The following ESRRG variants were observed in gnomAD, a reference collection of about 807,000 sequenced individuals.
ESRRG encodes estrogen related receptor gamma.
A neutral mutation model predicts 44.0 loss-of-function variants in ESRRG; 13 were observed. That is an observed-to-expected ratio of 0.30 (90% CI 0.19 to 0.47). ESRRG has a LOEUF of 0.47. ESRRG is among the 20% of genes least tolerant of loss of function. The probability of loss-of-function intolerance (pLI) is 1.00; values close to 1 mark genes in which losing one functional copy is unlikely to be tolerated. For missense variants in ESRRG, 395 were observed against 580.6 expected (o/e 0.68, Z 3.29); for synonymous variants, 215 against 214.6 (o/e 1.00, Z -0.02).
At chr1:216,819,393 C>CT (rs910067428) in intron 2 of ESRRG, among the ~76,000 whole-genome samples, 4 of 152,028 alleles carry the variant, frequency 2.6e-5, no homozygotes, top group Admixed American at 1.3e-4. Flanking sequence ...TATCTTCTTC[C>CT]TTTTTTAAGC....
upstream of ESRRG, among the ~76,000 whole-genome samples, chr1:216,723,700 C>G (rs1213040997): frequency 6.6e-6 from 1 of 151,780 alleles, no homozygotes; most frequent in African/African-American, 2.4e-5. Flanking sequence ...TACACACTCT[C>G]GGGTTTGATT....
intron 6 of ESRRG, among the ~76,000 whole-genome samples, chr1:216,510,003 GTTTCTT>G (rs1038696520): frequency 9.9e-5 from 15 of 152,126 alleles, no homozygotes; most frequent in Non-Finnish European, 1.5e-4. Context: ...GTTCATGCTG[GTTTCTT>G]TTTAACTATG....
chr1:216,770,230 T>A (rs2093324467), intron 2 of ESRRG, among the ~76,000 whole-genome samples: 1 of 151,988 alleles, frequency 6.6e-6, no homozygotes, highest in African/African-American at 2.4e-5. Context: ...AATCTGGTGG[T>A]CTATAGAGGG....
chr1:217,069,884 C>T (rs1402568418), intron 1 of ESRRG, among the ~76,000 whole-genome samples: 1 of 152,206 alleles, frequency 6.6e-6, no homozygotes, highest in African/African-American at 2.4e-5. Context: ...TAAATCACAA[C>T]CCTCACATCA....
At chr1:216,779,013 C>A (rs1230115818) in intron 2 of ESRRG, among the ~76,000 whole-genome samples, 1 of 148,020 alleles carries the variant, frequency 6.8e-6, no homozygotes, top group South Asian at 2.1e-4. Context: ...TGAAACAATG[C>A]CAGAATACAG....
chr1:216,626,163 C>T (rs571245461), intron 3 of ESRRG, among the ~76,000 whole-genome samples: 1 of 152,318 alleles, frequency 6.6e-6, no homozygotes, highest in East Asian at 1.9e-4. Flanking sequence ...TCCTTATTGA[C>T]AATTCTGCAG....
chr1:216,520,828 C>G (rs2045869486), intron 5 of ESRRG, among the ~76,000 whole-genome samples: 1 of 152,198 alleles, frequency 6.6e-6, no homozygotes, highest in Non-Finnish European at 1.5e-5. Flanking sequence ...TAAGTAGCCA[C>G]TGATGCCCAA....
At chr1:217,051,395 C>T (rs1007465002) in intron 1 of ESRRG, among the ~76,000 whole-genome samples, 10 of 152,156 alleles carry the variant, frequency 6.6e-5, no homozygotes, top group African/African-American at 1.4e-4. Context: ...CAGGTTCACA[C>T]GCACCTTCTA....
At chr1:216,859,729 C>T (rs2096016017) in intron 2 of ESRRG, among the ~76,000 whole-genome samples, 1 of 152,040 alleles carries the variant, frequency 6.6e-6, no homozygotes, top group South Asian at 2.1e-4. Flanking sequence ...GTCTACCTAA[C>T]AAATATTAAA....
chr1:216,531,395 G>T (rs1370154891), intron 5 of ESRRG, among the ~76,000 whole-genome samples: 1 of 151,982 alleles, frequency 6.6e-6, no homozygotes. Context: ...CAAGTTCACG[G>T]CTCGTGTTTG....
intron 2 of ESRRG, among the ~76,000 whole-genome samples, chr1:216,804,736 A>G (rs1456030768): frequency 6.6e-6 from 1 of 152,134 alleles, no homozygotes; most frequent in Non-Finnish European, 1.5e-5. Context: ...AGTGATAAAA[A>G]GAATTGAAAT....
chr1:216,590,260 A>G (rs1449587604), intron 3 of ESRRG, among the ~76,000 whole-genome samples: 1 of 152,132 alleles, frequency 6.6e-6, no homozygotes, highest in Admixed American at 6.5e-5. Context: ...TCTTCTAGAA[A>G]AACCACAAAG....
At chr1:217,119,052 G>GAT (rs1558282099) in intron 1 of ESRRG, among the ~76,000 whole-genome samples, 1 of 138,276 alleles carries the variant, frequency 7.2e-6, no homozygotes, top group Admixed American at 6.9e-5. Flanking sequence ...GATAGATAGA[G>GAT]ACACAGATAC....
At chr1:216,653,949 A>G in intron 2 of ESRRG, among the ~76,000 whole-genome samples, 1 of 128,106 alleles carries the variant, frequency 7.8e-6, no homozygotes, top group African/African-American at 2.7e-5. Flanking sequence ...CCCCATCTCT[A>G]CCAAAAAAAA....
intron 3 of ESRRG, among the ~76,000 whole-genome samples, chr1:216,577,770 A>ATT (rs199959949): frequency 2.0e-5 from 3 of 151,924 alleles, no homozygotes; most frequent in Non-Finnish European, 4.4e-5. Context: ...TAAAATATAG[A>ATT]TTTTTTTAAA....
intron 3 of ESRRG, among the ~76,000 whole-genome samples, chr1:216,620,454 A>G (rs2062040876): frequency 6.6e-6 from 1 of 152,140 alleles, no homozygotes; most frequent in African/African-American, 2.4e-5. Flanking sequence ...TCATCCACTC[A>G]TTTATTCCAT....
chr1:217,093,952 A>G (rs1372260224), upstream of ESRRG, among the ~76,000 whole-genome samples: 1 of 152,044 alleles, frequency 6.6e-6, no homozygotes, highest in African/African-American at 2.4e-5. Flanking sequence ...GCCTGACCAT[A>G]GCTCACTGTA....
At chr1:216,767,387 G>C (rs1035163936) in intron 2 of ESRRG, among the ~76,000 whole-genome samples, 1 of 152,066 alleles carries the variant, frequency 6.6e-6, no homozygotes, top group African/African-American at 2.4e-5. Flanking sequence ...GGACTCAAAT[G>C]CCATCTAGAT....
At chr1:216,910,587 A>T (rs2060192033) in intron 2 of ESRRG, among the ~76,000 whole-genome samples, 1 of 152,202 alleles carries the variant, frequency 6.6e-6, no homozygotes, top group South Asian at 2.1e-4. Context: ...CAGAGGATAA[A>T]AATTTGGCAT....
Sources: allele counts gnomAD v4.1 joint callset (sites outside exome capture counted in the v4.1 genomes callset), GRCh38; gene constraint gnomAD v4.1.1; transcripts MANE v1.5; gene names NCBI Gene and HGNC (gene_info 2026-07-23, HGNC 2026-07-21).